The following STXBP5L variants were observed in gnomAD, a reference collection of about 807,000 sequenced individuals.
STXBP5L encodes syntaxin binding protein 5L.
STXBP5L carries 65 observed loss-of-function variants against 144.5 expected under a neutral mutation model. The observed-to-expected ratio is 0.45, with a 90% confidence interval of 0.37 to 0.55. The LOEUF (loss-of-function observed/expected upper bound fraction) is 0.55. Among genes scored for constraint, STXBP5L ranks in the 20% least tolerant of loss-of-function variants. STXBP5L has a pLI of 0.00. For synonymous variants in STXBP5L, 505 were observed against 469.6 expected, an observed-to-expected ratio of 1.08 and a Z score of -0.97; for missense variants, 1,298 against 1,405.5, an observed-to-expected ratio of 0.92 and a Z score of 1.22.
chr3:120,976,250 A>G (rs1192197139), intron 3 of STXBP5L, among the ~76,000 whole-genome samples: 1 of 152,050 alleles, frequency 6.6e-6, no homozygotes, highest in Non-Finnish European at 1.5e-5. Flanking sequence ...CAGAGATTCA[A>G]CTTCTTCCTG....
chr3:121,078,581 G>A lies in STXBP5L; in HGVS notation c.470+33046G>A, dbSNP rs144438157. On this transcript the variant is annotated intron_variant, in intron 5 of 26. Transcript: ENST00000471454. ...ATGGGACTGGGCACCATGGAGCAGG[G>A]GGTGGTGCTCTTTGGGGAGGCTTGG... Among the ~76,000 whole-genome samples the A allele has an allele frequency of 4.6e-5, 7 of 152,358 alleles. No individual in the cohort carries two copies. In the East Asian group the frequency reaches 1.4e-3, roughly 29 times the overall value.
chr3:121,096,937 T>G (rs1393695510), intron 5 of STXBP5L, among the ~76,000 whole-genome samples: 1 of 152,166 alleles, frequency 6.6e-6, no homozygotes, highest in Non-Finnish European at 1.5e-5. Context: ...GCTGAAGTTG[T>G]GCCCACAGCA....
intron 9 of STXBP5L, among the ~76,000 whole-genome samples, chr3:121,175,502 T>A (rs917931637): frequency 6.6e-6 from 1 of 152,120 alleles, no homozygotes; most frequent in African/African-American, 2.4e-5. Flanking sequence ...AAAGCAAGCA[T>A]GCTGATACAT....
intron 7 of STXBP5L, among the ~76,000 whole-genome samples, chr3:121,140,133 T>C (rs1290512466): frequency 7.1e-6 from 1 of 141,520 alleles, no homozygotes; most frequent in Non-Finnish European, 1.6e-5. Context: ...AGACATATTA[T>C]AAATGGCCAA....
chr3:120,999,858 T>C (rs952294450), intron 3 of STXBP5L, among the ~76,000 whole-genome samples: 1 of 152,234 alleles, frequency 6.6e-6, no homozygotes, highest in Non-Finnish European at 1.5e-5. Flanking sequence ...CTGAAAAATA[T>C]TTCATTTCTC....
At chr3:121,183,813 G>A (rs2108119600) in intron 9 of STXBP5L, among the ~76,000 whole-genome samples, 1 of 152,170 alleles carries the variant, frequency 6.6e-6, no homozygotes, top group Non-Finnish European at 1.5e-5. Flanking sequence ...ATACAGGAGA[G>A]CTCCAGCTGG....
At chr3:121,121,291 C>G (rs1321670724) in intron 6 of STXBP5L, among the ~76,000 whole-genome samples, 1 of 151,150 alleles carries the variant, frequency 6.6e-6, no homozygotes, top group African/African-American at 2.4e-5. Context: ...TACACCATTA[C>G]CTTTGTAGCT....
At chr3:121,065,104 G>C (rs931670729) in intron 5 of STXBP5L, among the ~76,000 whole-genome samples, 2 of 151,806 alleles carry the variant, frequency 1.3e-5, no homozygotes, top group Non-Finnish European at 2.9e-5. Context: ...GTATTCTATG[G>C]TGTATATGTA....
At chr3:121,379,765 G>C (rs930194712) in intron 21 of STXBP5L, among the ~76,000 whole-genome samples, 4 of 152,048 alleles carry the variant, frequency 2.6e-5, no homozygotes, top group Non-Finnish European at 5.9e-5. Context: ...AAAAGATTTG[G>C]AGCCATATAA....
At chr3:121,383,508 T>TA (rs1435109474) in intron 22 of STXBP5L, among the ~76,000 whole-genome samples, 2 of 152,152 alleles carry the variant, frequency 1.3e-5, no homozygotes, top group Admixed American at 6.6e-5. Context: ...TACTATCTGT[T>TA]AAATTTTCTT....
intron 3 of STXBP5L, among the ~76,000 whole-genome samples, chr3:121,004,259 C>G (rs1237801297): frequency 6.6e-6 from 1 of 151,570 alleles, no homozygotes; most frequent in East Asian, 1.9e-4. Context: ...TTGAAGAGGT[C>G]CTTCACATCC....
intron 7 of STXBP5L, among the ~76,000 whole-genome samples, chr3:121,127,218 C>T (rs149360017): frequency 6.7e-6 from 1 of 148,516 alleles, no homozygotes; most frequent in East Asian, 1.9e-4. Context: ...TATAAGGAGA[C>T]CAAATACATA....
intron 10 of STXBP5L, among the ~76,000 whole-genome samples, chr3:121,218,734 GA>G (rs1344236641): frequency 6.6e-6 from 1 of 152,044 alleles, no homozygotes; most frequent in Non-Finnish European, 1.5e-5. Flanking sequence ...CATATTTTTA[GA>G]AATCAAAAAC....
chr3:121,000,819 T>C (rs1943712062), intron 3 of STXBP5L, among the ~76,000 whole-genome samples: 1 of 152,166 alleles, frequency 6.6e-6, no homozygotes, highest in South Asian at 2.1e-4. Context: ...CTTTGAATGT[T>C]CGACTGTGGT....
chr3:121,163,263 C>T (rs1025255306), intron 9 of STXBP5L, among the ~76,000 whole-genome samples: 2 of 152,156 alleles, frequency 1.3e-5, no homozygotes, highest in Admixed American at 6.5e-5. Flanking sequence ...GAGTTCATGT[C>T]CTTTGTAGGG....
intron 10 of STXBP5L, among the ~76,000 whole-genome samples, chr3:121,212,521 T>C (rs942235037): frequency 2.8e-4 from 42 of 152,144 alleles, no homozygotes; most frequent in African/African-American, 9.4e-4. Context: ...ATCAGATGGT[T>C]GTAGATGGGT....
intron 5 of STXBP5L, among the ~76,000 whole-genome samples, chr3:121,104,325 A>C (rs1346006860): frequency 6.6e-6 from 1 of 152,194 alleles, no homozygotes; most frequent in Non-Finnish European, 1.5e-5. Flanking sequence ...ACACTGCCAA[A>C]AATAATCTAC....
intron 3 of STXBP5L, among the ~76,000 whole-genome samples, chr3:121,003,272 A>C (rs897101583): frequency 1.3e-5 from 2 of 151,848 alleles, no homozygotes; most frequent in Non-Finnish European, 2.9e-5. Context: ...ACGGTATCTC[A>C]TTGTGGTTTT....
At chr3:120,931,725 A>G (rs774610603) in intron 2 of STXBP5L, among the ~76,000 whole-genome samples, 18 of 152,202 alleles carry the variant, frequency 1.2e-4, no homozygotes, top group Admixed American at 8.5e-4. Flanking sequence ...CAACCAGAGA[A>G]GGAAACCAAA....
Sources: allele counts gnomAD v4.1 joint callset (sites outside exome capture counted in the v4.1 genomes callset), GRCh38; gene constraint gnomAD v4.1.1; transcripts MANE v1.5; gene names NCBI Gene and HGNC (gene_info 2026-07-23, HGNC 2026-07-21).